Variants in THSD4 observed in about 807,000 individuals in gnomAD.
THSD4 encodes thrombospondin type-1 domain-containing protein 4.
Under a neutral mutation model 119.0 loss-of-function variants are expected in THSD4, and 69 were observed. That is an observed-to-expected ratio of 0.58 (90% CI 0.48 to 0.71). The LOEUF is 0.71. THSD4 is among the 30% of genes least tolerant of loss of function. The pLI, the probability that THSD4 is intolerant of heterozygous loss-of-function variation, is 0.00. For missense variants in THSD4, 1,393 were observed against 1,391.1 expected, an observed-to-expected ratio of 1.00 and a Z score of -0.02; for synonymous variants, 524 against 540.4, an observed-to-expected ratio of 0.97 and a Z score of 0.42.
intron 7 of THSD4, among the ~76,000 whole-genome samples, chr15:71,554,760 A>G (rs2048992532): frequency 6.6e-6 from 1 of 151,782 alleles, no homozygotes; most frequent in African/African-American, 2.4e-5. Context: ...ATTGAACTCA[A>G]CCGTAACACC....
At chr15:71,665,375 T>G (rs2051397066) in intron 8 of THSD4, among the ~76,000 whole-genome samples, 1 of 152,134 alleles carries the variant, frequency 6.6e-6, no homozygotes, top group African/African-American at 2.4e-5. Flanking sequence ...TTGTGAAAGT[T>G]CCTTATAGAT....
chr15:71,218,506 A>G (rs977545933), intron 4 of THSD4, among the ~76,000 whole-genome samples: 1 of 152,140 alleles, frequency 6.6e-6, no homozygotes, highest in Non-Finnish European at 1.5e-5. Context: ...CTTCAAATGT[A>G]TTGACGGGGG....
At chr15:71,568,170 A>T (rs778293195) in intron 7 of THSD4, among the ~76,000 whole-genome samples, 12 of 151,998 alleles carry the variant, frequency 7.9e-5, no homozygotes, top group Non-Finnish European at 1.5e-4. Flanking sequence ...CCTCAGAAAT[A>T]TTTTTTTTAA....
At chr15:71,516,440 T>A (rs1458428061) in intron 7 of THSD4, among the ~76,000 whole-genome samples, 1 of 152,220 alleles carries the variant, frequency 6.6e-6, no homozygotes, top group African/African-American at 2.4e-5. Context: ...CATAGTCTCA[T>A]ACCTCCTTTC....
chr15:71,369,642 A>G (rs2046015659), intron 6 of THSD4, among the ~76,000 whole-genome samples: 1 of 152,174 alleles, frequency 6.6e-6, no homozygotes, highest in South Asian at 2.1e-4. Flanking sequence ...CCACTTGATC[A>G]TGGTGGATAA....
chr15:71,691,865 G>C (rs563365937), intron 8 of THSD4, among the ~76,000 whole-genome samples: 3 of 152,314 alleles, frequency 2.0e-5, no homozygotes, highest in Admixed American at 1.3e-4. Context: ...ATACATGAGA[G>C]ATTGGCATAG....
At chr15:71,770,383 A>G (rs1023048889) in intron 16 of THSD4, among the ~76,000 whole-genome samples, 13 of 145,592 alleles carry the variant, frequency 8.9e-5, no homozygotes, top group African/African-American at 3.3e-4. Flanking sequence ...GGCTGGGTGC[A>G]GTGGCTCACG....
At chr15:71,676,332 A>C (rs375597161) in intron 8 of THSD4, among the ~76,000 whole-genome samples, 2 of 152,108 alleles carry the variant, frequency 1.3e-5, no homozygotes, top group African/African-American at 4.8e-5. Flanking sequence ...CCCAGGTTGG[A>C]GTGCGGTGGC....
At chr15:71,324,782 T>A (rs1208516686) in intron 6 of THSD4, among the ~76,000 whole-genome samples, 2 of 152,246 alleles carry the variant, frequency 1.3e-5, no homozygotes, top group Non-Finnish European at 2.9e-5. Context: ...CATGTGCAGG[T>A]GTCTTTTTGA....
At chr15:71,291,276 TAGTC>T (rs1441462770) in intron 6 of THSD4, among the ~76,000 whole-genome samples, 4 of 152,194 alleles carry the variant, frequency 2.6e-5, no homozygotes, top group African/African-American at 7.2e-5. Context: ...ATATCTGTAT[TAGTC>T]AGGGTTCTCC....
At chr15:71,389,645 A>G (rs1374945339) in intron 6 of THSD4, among the ~76,000 whole-genome samples, 2 of 152,006 alleles carry the variant, frequency 1.3e-5, no homozygotes, top group Non-Finnish European at 2.9e-5. Context: ...TCTTTGAGGT[A>G]TATACAAAGT....
intron 7 of THSD4, among the ~76,000 whole-genome samples, chr15:71,517,827 T>C (rs1271907541): frequency 6.6e-6 from 1 of 152,242 alleles, no homozygotes; most frequent in Non-Finnish European, 1.5e-5. Context: ...TGGCATTGGT[T>C]ACACTTCTTG....
chr15:71,305,593 A>G (rs1301661345), intron 6 of THSD4, among the ~76,000 whole-genome samples: 2 of 152,202 alleles, frequency 1.3e-5, no homozygotes, highest in Admixed American at 6.5e-5. Context: ...TTTATTCAAA[A>G]ACTCCAAGTT....
intron 8 of THSD4, among the ~76,000 whole-genome samples, chr15:71,704,731 G>A (rs527790511): frequency 5.9e-5 from 9 of 152,322 alleles, no homozygotes; most frequent in East Asian, 5.8e-4. Flanking sequence ...TACAGGGGCC[G>A]GTTGGCTACA....
intron 6 of THSD4, among the ~76,000 whole-genome samples, chr15:71,296,266 C>G (rs2044861612): frequency 2.0e-5 from 3 of 152,176 alleles, no homozygotes; most frequent in Admixed American, 6.5e-5. Flanking sequence ...ATTTTACATT[C>G]CCATCAACAA....
intron 1 of THSD4, among the ~76,000 whole-genome samples, chr15:71,126,779 A>G (rs1234468078): frequency 6.6e-6 from 1 of 152,236 alleles, no homozygotes; most frequent in African/African-American, 2.4e-5. Flanking sequence ...TGGAAATTTT[A>G]TTTTCAAAAA....
intron 7 of THSD4, among the ~76,000 whole-genome samples, chr15:71,537,356 A>T (rs552358764): frequency 6.6e-6 from 1 of 152,248 alleles, no homozygotes; most frequent in Non-Finnish European, 1.5e-5. Flanking sequence ...ATTCTCATTA[A>T]GAGAAAGAAA....
At chr15:71,190,711 C>A (rs1185449227) in intron 3 of THSD4, among the ~76,000 whole-genome samples, 1 of 152,202 alleles carries the variant, frequency 6.6e-6, no homozygotes, top group East Asian at 1.9e-4. Flanking sequence ...GTGGTAGCCA[C>A]TGTCCTAGAA....
chr15:71,703,042 G>A (rs2052323505), intron 8 of THSD4, among the ~76,000 whole-genome samples: 1 of 151,652 alleles, frequency 6.6e-6, no homozygotes, highest in South Asian at 2.1e-4. Context: ...GTGCAGTGGT[G>A]CCCTCTCAGC....
Sources: allele counts gnomAD v4.1 joint callset (sites outside exome capture counted in the v4.1 genomes callset), GRCh38; gene constraint gnomAD v4.1.1; transcripts MANE v1.5; gene names NCBI Gene and HGNC (gene_info 2026-07-23, HGNC 2026-07-21).